The following PPFIA1 variants were observed in gnomAD, a reference collection of about 807,000 sequenced individuals.
The protein encoded by PPFIA1 is PPFI scaffold protein A1, also known as liprin-alpha-1.
PPFIA1 carries 25 observed loss-of-function variants against 149.9 expected under a neutral mutation model. The observed-to-expected ratio is 0.17, with a 90% CI of 0.12 to 0.23. The LOEUF (loss-of-function observed/expected upper bound fraction) is 0.23. Among genes scored for constraint, PPFIA1 ranks in the 10% least tolerant of loss-of-function variants. The pLI, the probability that PPFIA1 is intolerant of heterozygous loss-of-function variation, is 1.00. For synonymous variants in PPFIA1, 549 were observed against 552.8 expected, an observed-to-expected ratio of 0.99 and a Z score of 0.10; for missense variants, 1,362 against 1,506.5, an observed-to-expected ratio of 0.90 and a Z score of 1.59.
intron 2 of PPFIA1, among the ~76,000 whole-genome samples, chr11:70,288,990 C>T (rs1314599441): frequency 8.9e-6 from 1 of 112,960 alleles, no homozygotes; most frequent in Non-Finnish European, 1.9e-5. Flanking sequence ...TTTTTGGGGA[C>T]GGAGTCTTGC....
In PPFIA1 at chr11:70,339,141, T is replaced by C. The variant is rs773111798; in HGVS notation, c.1572-30T>C. 75 of 1,610,718 alleles carry C rather than the reference T, an allele frequency of 4.7e-5. 1 individual carries two copies. The South Asian group carries it at 7.9e-4, about 17-fold the overall frequency. On this transcript the variant is annotated intron_variant, in intron 13 of 27. Coordinates refer to ENST00000253925, the MANE Select transcript of PPFIA1 (RefSeq NM_003626.5). ...GAGAGTTTATTTTCTTTTCTTCTAA[T>C]AATGATCATTCTTATTTTTCATGTT...
At chr11:70,364,916 G>A (rs1258698304) in intron 21 of PPFIA1, 1 of 157,182 alleles carries the variant, frequency 6.4e-6, no homozygotes, top group African/African-American at 2.4e-5. Flanking sequence ...CATCGACACT[G>A]CTTAGCAGTG....
At chr11:70,373,735 T>G (rs2057369926) in intron 23 of PPFIA1, 1 of 152,190 alleles carries the variant, frequency 6.6e-6, no homozygotes, top group African/African-American at 2.4e-5. Flanking sequence ...AAGTGCTGTT[T>G]TCATCCCCAC....
chr11:70,365,412 ACGCT>A (rs1189013592), intron 21 of PPFIA1: 1 of 456,448 alleles, frequency 2.2e-6, no homozygotes. Flanking sequence ...AGAGATGGAA[ACGCT>A]CGCAGCCACG....
intron 18 of PPFIA1, 22 bp from the exon 19 acceptor site, chr11:70,356,139 G>A (rs759662830): frequency 7.0e-6 from 11 of 1,578,368 alleles, no homozygotes; most frequent in Non-Finnish European, 8.7e-6. Context: ...TTTTACTTCT[G>A]GGCTGTTCTG....
intron 2 of PPFIA1, among the ~76,000 whole-genome samples, chr11:70,272,743 G>T (rs918229624): frequency 1.3e-5 from 2 of 152,146 alleles, no homozygotes; most frequent in Non-Finnish European, 2.9e-5. Flanking sequence ...TCTATTTGGT[G>T]CCTCCATTCT....
Position 70,382,093 on chromosome 11 carries a change from G to T in PPFIA1, c.3556G>T (p.Val1186Leu), listed in dbSNP as rs2057736193. The change falls in exon 27 of 28, where the codon GTA becomes TTA. Residue 1186 changes from valine to leucine, a missense_variant. Physicochemically the swap from Val to Leu is conservative, Grantham distance 32. Transcript: ENST00000253925. ...TCTCGTGGCTGTTGAAACAGGCAATGTATCAGGAACACAGAGGTTGGATTC... is the reference window on the plus strand; with the variant it reads ...TCTCGTGGCTGTTGAAACAGGCAATTTATCAGGAACACAGAGGTTGGATTC... ...QPKKMQMDGN[V>L]SGTQRLDSAT... 4 of 1,613,934 alleles carry T rather than the reference G, an allele frequency of 2.5e-6. No homozygotes were observed. In the South Asian group the frequency reaches 4.4e-5, roughly 18 times the overall value.
chr11:70,281,990 G>A lies in PPFIA1; in HGVS notation c.264+9554G>A, dbSNP rs115886026. ...ATTGGTTATCATTACTTGATAGGGA[G>A]CATACAGAACCCACTCACCTCGCTT... On this transcript the variant is annotated intron_variant, in intron 2 of 27. Transcript: ENST00000253925. Among the ~76,000 whole-genome samples the A allele has an allele frequency of 3.4e-3, 511 of 152,138 alleles. 3 individuals carry two copies. Among genetic ancestry groups the A allele is most frequent in the African/African-American group, 0.012 (495 of 41,504 alleles).
intron 5 of PPFIA1, among the ~76,000 whole-genome samples, chr11:70,325,990 GTTAC>G (rs1249708674): frequency 6.6e-6 from 1 of 151,514 alleles, no homozygotes; most frequent in Non-Finnish European, 1.5e-5. Flanking sequence ...CATATCACAT[GTTAC>G]TTATCTTCCC....
At chr11:70,370,461 A>G (rs1336815742) in intron 21 of PPFIA1, among the ~76,000 whole-genome samples, 1 of 151,418 alleles carries the variant, frequency 6.6e-6, no homozygotes, top group Non-Finnish European at 1.5e-5. Context: ...ATCTTGGCTC[A>G]CTGCAACCTC....
chr11:70,362,322 C>T lies in PPFIA1; in HGVS notation c.2699C>T (p.Ala900Val). ...GGGATGCCAGCCTGGTATGTGGCTG[C>T]CTGCCGAGCAAACGTGAAAAGCGGG... ...WVGMPAWYVA[A>V]CRANVKSGAI... The change falls in exon 21 of 28, where the codon GCC (alanine) becomes GTC (valine). Residue 900 changes from alanine to valine, a missense_variant. This residue lies in a region of PPFIA1 where 8 missense variants were observed against 26.5 expected (regional missense o/e 0.30). Coordinates refer to ENST00000253925, the MANE Select transcript of PPFIA1 (RefSeq NM_003626.5). 1.2e-6 allele frequency: 2 copies of T among 1,614,208 alleles called. No individual in the cohort carries two copies. Among genetic ancestry groups the T allele is most frequent in the Non-Finnish European group, 1.7e-6 (2 of 1,180,034 alleles).
intron 8 of PPFIA1, among the ~76,000 whole-genome samples, 157 bp from the exon 9 acceptor site, chr11:70,331,803 C>CAA (rs1170718310): frequency 2.0e-5 from 3 of 151,952 alleles, no homozygotes. Flanking sequence ...AAAACAAAAA[C>CAA]AAAAACAAAA....
At chr11:70,313,919 G>A (rs2053440997) in intron 2 of PPFIA1, among the ~76,000 whole-genome samples, 1 of 152,180 alleles carries the variant, frequency 6.6e-6, no homozygotes, top group African/African-American at 2.4e-5. Context: ...TTGGGAGACT[G>A]AGGCAGGAGA....
chr11:70,285,766 A>G (rs1338697340), intron 2 of PPFIA1, among the ~76,000 whole-genome samples: 1 of 152,036 alleles, frequency 6.6e-6, no homozygotes, highest in Admixed American at 6.6e-5. Flanking sequence ...ACATAAATGC[A>G]TACTGTTTTC....
chr11:70,279,577 AT>A (rs34969846), intron 2 of PPFIA1, among the ~76,000 whole-genome samples: 33,907 of 142,860 alleles, frequency 0.24, 3,919 homozygotes, highest in South Asian at 0.27. Context: ...TACATTAGGC[AT>A]TTTTTTTTTT....
intron 1 of PPFIA1, chr11:70,271,937 T>G: frequency 2.0e-6 from 1 of 508,490 alleles, no homozygotes; most frequent in South Asian, 2.6e-5. Flanking sequence ...GGTAGTCCTT[T>G]GGGATCTTGA....
chr11:70,272,481 A>C (rs984097122), intron 2 of PPFIA1, 45 bp downstream of exon 2: 1 of 1,523,466 alleles, frequency 6.6e-7, no homozygotes, highest in African/African-American at 1.4e-5. Flanking sequence ...TCTCCACTAA[A>C]TGTTTTTTTA....
intron 2 of PPFIA1, among the ~76,000 whole-genome samples, chr11:70,301,108 A>G (rs1298968315): frequency 2.0e-5 from 3 of 152,014 alleles, no homozygotes; most frequent in East Asian, 3.9e-4. Context: ...CTGCGTACCA[A>G]TTTTCTGATC....
Position 70,276,027 on chromosome 11 carries a change from G to A in PPFIA1, c.264+3591G>A, listed in dbSNP as rs143085987. 2.6e-5 allele frequency among the ~76,000 whole-genome samples: 4 copies of A among 152,274 alleles called. No individual in the cohort carries two copies. In the East Asian group the frequency reaches 7.7e-4, roughly 29 times the overall value. On this transcript the variant is annotated intron_variant, in intron 2 of 27. Transcript: ENST00000253925. Reference sequence around the variant, plus strand: ...AGAGTTTTTTAAAAACCATGAGCAGGTATTAAATTTCTTAACATGGATTTT... The same window carrying A: ...AGAGTTTTTTAAAAACCATGAGCAGATATTAAATTTCTTAACATGGATTTT...
Sources: gnomAD v4.1 joint callset for allele counts (sites outside exome capture counted in the v4.1 genomes callset) on GRCh38, gnomAD v4.1.1 for gene constraint, gnomAD v4.1.1 regional missense constraint, MANE v1.5 for transcripts, NCBI Gene and HGNC (gene_info 2026-07-23, HGNC 2026-07-21) for gene names.